TMLHE: variants seen among roughly 807,000 people sequenced by gnomAD.
TMLHE encodes trimethyllysine dioxygenase, mitochondrial.
TMLHE carries 18 observed loss-of-function variants against 25.7 expected under a neutral mutation model. That is an observed-to-expected ratio of 0.70 (90% CI 0.48 to 1.04). The LOEUF (loss-of-function observed/expected upper bound fraction) is 1.04. TMLHE is among the 50% of genes least tolerant of loss of function. The probability of loss-of-function intolerance (pLI) is 0.00; values close to 1 mark genes in which losing one functional copy is unlikely to be tolerated. For missense variants in TMLHE, 236 were observed against 259.0 expected (o/e 0.91, Z 0.61); for synonymous variants, 105 against 97.0 (o/e 1.08, Z -0.49).
intron 3 of TMLHE, among the ~76,000 whole-genome samples, chrX:155,522,173 T>C (rs2067191913): frequency 8.9e-6 from 1 of 112,755 alleles, no homozygotes; most frequent in Admixed American, 9.3e-5. Flanking sequence ...GCATTTTTTT[T>C]CTATTGTAGA....
At chrX:155,591,068 T>C (rs1458975101) in intron 1 of TMLHE, among the ~76,000 whole-genome samples, 1 of 111,671 alleles carries the variant, frequency 9.0e-6, no homozygotes, top group African/African-American at 3.2e-5. Flanking sequence ...ACACTGTTAT[T>C]ATACTAAATA....
intron 1 of TMLHE, among the ~76,000 whole-genome samples, chrX:155,548,678 T>G (rs1464863335): frequency 9.3e-6 from 1 of 107,621 alleles, no homozygotes; most frequent in African/African-American, 3.4e-5. Flanking sequence ...AAGGTTGCAG[T>G]GAGCTGAGAT....
chrX:155,537,319 T>G (rs2067284776), intron 2 of TMLHE, among the ~76,000 whole-genome samples: 1 of 111,423 alleles, frequency 9.0e-6, no homozygotes, highest in Non-Finnish European at 1.9e-5. Flanking sequence ...CAAGCTTCTT[T>G]GAAGATCATG....
rs900414425 is a variant in TMLHE at position 155,580,612 on chromosome X, A to G, written c.-2+32180T>C. 6.2e-5 allele frequency among the ~76,000 whole-genome samples: 7 copies of G among 112,095 alleles called. No homozygotes were observed. The South Asian group carries it at 1.5e-3, about 24-fold the overall frequency. ...TGAGACTCAACAATTTACAAAAGAA[A>G]TAGGTTTAATGGACTTACAGTTCCA... On this transcript the variant is annotated intron_variant, in intron 1 of 7. Coordinates refer to ENST00000334398, the MANE Select transcript of TMLHE (RefSeq NM_018196.4).
chrX:155,548,443 GA>G (rs1179617824), intron 1 of TMLHE, among the ~76,000 whole-genome samples: 2 of 111,411 alleles, frequency 1.8e-5, no homozygotes, highest in Admixed American at 9.5e-5. Context: ...AATATTTAAA[GA>G]CATCCTACAG....
At chrX:155,539,346 T>A (rs2067297785) in intron 2 of TMLHE, among the ~76,000 whole-genome samples, 1 of 111,258 alleles carries the variant, frequency 9.0e-6, no homozygotes, top group Non-Finnish European at 1.9e-5. Context: ...CAGACAGACA[T>A]TATGTGGAGC....
chrX:155,590,227 T>G (rs2124483999), intron 1 of TMLHE, among the ~76,000 whole-genome samples: 1 of 112,059 alleles, frequency 8.9e-6, no homozygotes, highest in Admixed American at 9.4e-5. Context: ...AAAAGACAAT[T>G]GTATAAAACA....
intron 1 of TMLHE, among the ~76,000 whole-genome samples, chrX:155,580,350 T>C (rs2067618208): frequency 9.0e-6 from 1 of 111,246 alleles, no homozygotes; most frequent in African/African-American, 3.3e-5. Flanking sequence ...CAGATGTTGG[T>C]GAGGATGCTA....
chrX:155,526,215 C>G (rs1214402058), intron 2 of TMLHE, among the ~76,000 whole-genome samples: 1 of 113,113 alleles, frequency 8.8e-6, no homozygotes, highest in African/African-American at 3.2e-5. Flanking sequence ...CAGGGCCCTA[C>G]TGCTCTGTGC....
At chrX:155,597,197 A>G (rs1434065317) in intron 1 of TMLHE, among the ~76,000 whole-genome samples, 26 of 110,014 alleles carry the variant, frequency 2.4e-4, no homozygotes, top group Non-Finnish European at 4.5e-4. Flanking sequence ...GTCCCTACAA[A>G]GGACATGAAC....
intron 2 of TMLHE, among the ~76,000 whole-genome samples, chrX:155,538,475 T>C (rs2067292833): frequency 9.0e-6 from 1 of 111,692 alleles, no homozygotes; most frequent in African/African-American, 3.3e-5. Flanking sequence ...TATAGCCAAA[T>C]AATTCTTGCA....
intron 1 of TMLHE, among the ~76,000 whole-genome samples, chrX:155,561,154 G>C: frequency 1.6e-5 from 1 of 61,601 alleles, no homozygotes; most frequent in East Asian, 7.2e-4. Flanking sequence ...TTTTCACACT[G>C]TTATAAAGGA....
At chrX:155,586,536 C>CAA (rs1172610551) in intron 1 of TMLHE, among the ~76,000 whole-genome samples, 1 of 110,770 alleles carries the variant, frequency 9.0e-6, no homozygotes, top group African/African-American at 3.3e-5. Flanking sequence ...CAGAATTAAA[C>CAA]AAAATAGAGA....
chrX:155,568,464 A>G, intron 1 of TMLHE, among the ~76,000 whole-genome samples: 1 of 61,914 alleles, frequency 1.6e-5, no homozygotes, highest in East Asian at 7.2e-4. Context: ...CCTGTCTGAC[A>G]GCTTTGAAGA....
At chrX:155,597,204 G>T (rs1197887625) in intron 1 of TMLHE, among the ~76,000 whole-genome samples, 1 of 109,804 alleles carries the variant, frequency 9.1e-6, no homozygotes, top group Non-Finnish European at 1.9e-5. Flanking sequence ...CAAAGGACAT[G>T]AACTCATCAT....
At chrX:155,533,132 G>T (rs910958468) in intron 2 of TMLHE, among the ~76,000 whole-genome samples, 2 of 111,237 alleles carry the variant, frequency 1.8e-5, no homozygotes, top group African/African-American at 6.5e-5. Context: ...CTTGAACTGG[G>T]ATATTGGTCT....
chrX:155,548,513 A>G (rs782056210), intron 1 of TMLHE, among the ~76,000 whole-genome samples: 2 of 108,514 alleles, frequency 1.8e-5, no homozygotes, highest in Non-Finnish European at 3.8e-5. Flanking sequence ...AGGCGGGCGG[A>G]TCACAAGGTC....
At position 155,573,406 on chromosome X, in the gene TMLHE, A is replaced by C. The variant is rs1603076692; in HGVS notation, c.-1-28129T>G. On this transcript the variant is annotated intron_variant, in intron 1 of 7. Transcript: ENST00000334398. ...GGTGGGACTGTAAACTAGTTCAACC[A>C]TTGTGGAAGTCAGTGTGGCGATTCC... Among the ~76,000 whole-genome samples the C allele has an allele frequency of 1.2e-4, 7 of 56,316 alleles. 2 individuals carry two copies. The South Asian group carries it at 7.7e-3, about 62-fold the overall frequency. 48.9% of individuals were successfully genotyped at this position (56,316 alleles called of 115,157 possible). A position where few individuals can be genotyped will look rare whatever the true frequency, so the allele number is the denominator to read the frequency against.
intron 3 of TMLHE, 73 bp from the exon 4 acceptor site, chrX:155,514,338 G>A: frequency 9.6e-7 from 1 of 1,042,651 alleles, no homozygotes; most frequent in Non-Finnish European, 1.3e-6. Context: ...GTTACAACTA[G>A]TTAAGAATCT....
Sources: gnomAD v4.1 joint callset for allele counts (sites outside exome capture counted in the v4.1 genomes callset) on GRCh38, gnomAD v4.1.1 for gene constraint, MANE v1.5 for transcripts, NCBI Gene and HGNC (gene_info 2026-07-23, HGNC 2026-07-21) for gene names.